The following ZNF385B variants were observed in gnomAD, a reference collection of about 807,000 sequenced individuals.
ZNF385B encodes the protein zinc finger protein 385B.
A neutral mutation model predicts 39.2 loss-of-function variants in ZNF385B; 23 were observed. The ratio of observed to expected loss-of-function variants is 0.59; its 90% CI spans 0.42 to 0.83. The LOEUF is 0.83. ZNF385B is among the 40% of genes least tolerant of loss of function. The pLI, the probability that ZNF385B is intolerant of heterozygous loss-of-function variation, is 0.00. For synonymous variants in ZNF385B, 205 were observed against 222.6 expected, an observed-to-expected ratio of 0.92 and a Z score of 0.70; for missense variants, 552 against 598.9, an observed-to-expected ratio of 0.92 and a Z score of 0.82.
chr2:179,600,917 A>G lies in ZNF385B; in HGVS notation c.299-55948T>C, dbSNP rs1043729671. On this transcript the variant is annotated intron_variant, in intron 3 of 9. Transcript: ENST00000410066. The stretch of plus-strand genomic sequence containing the variant: ...ATTTCCAACTCTGACTTTCTTACAT[A>G]ATAGCAGCATTTAGACTCTCACTGA... Among the ~76,000 whole-genome samples the G allele has an allele frequency of 5.3e-5, 8 of 152,358 alleles. No individual in the cohort carries two copies. In the East Asian group the frequency reaches 1.2e-3, roughly 22 times the overall value.
At chr2:179,533,530 T>C (rs909249841) in intron 4 of ZNF385B, among the ~76,000 whole-genome samples, 1 of 152,176 alleles carries the variant, frequency 6.6e-6, no homozygotes, top group Non-Finnish European at 1.5e-5. Context: ...GAACTTACAA[T>C]TAGACGCCAT....
At chr2:179,856,624 C>CAAAAAAAAAAAAAA (rs11308289) in intron 1 of ZNF385B, among the ~76,000 whole-genome samples, 3 of 108,342 alleles carry the variant, frequency 2.8e-5, no homozygotes, top group Non-Finnish European at 3.9e-5. Context: ...ACAGCAGAGA[C>CAAAAAAAAAAAAAA]AAAAAAAAAA....
intron 3 of ZNF385B, among the ~76,000 whole-genome samples, chr2:179,634,473 C>G (rs945849923): frequency 6.6e-6 from 1 of 152,166 alleles, no homozygotes; most frequent in African/African-American, 2.4e-5. Context: ...CACTGGTCAT[C>G]AGAGAAATGC....
chr2:179,804,805 C>T (rs1706248813), intron 1 of ZNF385B, among the ~76,000 whole-genome samples: 1 of 152,218 alleles, frequency 6.6e-6, no homozygotes, highest in Non-Finnish European at 1.5e-5. Context: ...CCTATCCAAA[C>T]ACATTATGCT....
chr2:179,605,332 G>C (rs1328876839), intron 3 of ZNF385B, among the ~76,000 whole-genome samples: 1 of 151,902 alleles, frequency 6.6e-6, no homozygotes, highest in Non-Finnish European at 1.5e-5. Flanking sequence ...ATATGCTCTG[G>C]TTTATAAACT....
chr2:179,832,271 C>T (rs551531639), intron 1 of ZNF385B, among the ~76,000 whole-genome samples: 2 of 152,278 alleles, frequency 1.3e-5, no homozygotes, highest in Admixed American at 1.3e-4. Context: ...CTTGAAGTTC[C>T]CTACGTGCTA....
chr2:179,711,038 T>C (rs902816107), intron 3 of ZNF385B, among the ~76,000 whole-genome samples: 1 of 152,216 alleles, frequency 6.6e-6, no homozygotes, highest in African/African-American at 2.4e-5. Flanking sequence ...AGGCTGTACA[T>C]GATGGGACAG....
intron 3 of ZNF385B, among the ~76,000 whole-genome samples, chr2:179,711,024 G>T (rs899565816): frequency 1.3e-5 from 2 of 152,196 alleles, no homozygotes; most frequent in African/African-American, 4.8e-5. Context: ...CCCCACTGTG[G>T]GGTAGGCTGT....
chr2:179,614,730 T>C (rs184541443), intron 3 of ZNF385B, among the ~76,000 whole-genome samples: 1 of 152,318 alleles, frequency 6.6e-6, no homozygotes, highest in East Asian at 1.9e-4. Flanking sequence ...AAGCTTGGTC[T>C]TCCGTCAGGG....
At chr2:179,858,618 A>G (rs1270391463) in intron 1 of ZNF385B, among the ~76,000 whole-genome samples, 1 of 152,128 alleles carries the variant, frequency 6.6e-6, no homozygotes, top group African/African-American at 2.4e-5. Flanking sequence ...ATTGAGACAC[A>G]GTGGGGACAG....
intron 5 of ZNF385B, among the ~76,000 whole-genome samples, chr2:179,486,736 G>C (rs1455541735): frequency 6.6e-6 from 1 of 152,010 alleles, no homozygotes; most frequent in African/African-American, 2.4e-5. Context: ...GCAACATTAC[G>C]AGACCTTGTT....
intron 5 of ZNF385B, among the ~76,000 whole-genome samples, chr2:179,508,011 T>G (rs896311525): frequency 6.6e-6 from 1 of 152,174 alleles, no homozygotes; most frequent in Non-Finnish European, 1.5e-5. Flanking sequence ...TGAAAGTAGC[T>G]AAAGGGTACC....
intron 1 of ZNF385B, among the ~76,000 whole-genome samples, chr2:179,817,974 T>A (rs1707172561): frequency 6.6e-6 from 1 of 152,166 alleles, no homozygotes; most frequent in East Asian, 1.9e-4. Context: ...TGTGTTTATG[T>A]ATGTGTCAGC....
intron 1 of ZNF385B, among the ~76,000 whole-genome samples, chr2:179,781,959 G>C (rs1704691965): frequency 6.6e-6 from 1 of 152,086 alleles, no homozygotes; most frequent in Admixed American, 6.6e-5. Context: ...GAGGAGGAGA[G>C]ACTCCTCCCC....
intron 4 of ZNF385B, among the ~76,000 whole-genome samples, chr2:179,528,881 C>T (rs1351629343): frequency 1.3e-5 from 2 of 152,094 alleles, no homozygotes; most frequent in Admixed American, 6.6e-5. Flanking sequence ...TTCCATGCTG[C>T]GGGGATCAAG....
chr2:179,517,496 ATG>A (rs2058173253), intron 5 of ZNF385B, among the ~76,000 whole-genome samples: 2 of 152,092 alleles, frequency 1.3e-5, no homozygotes, highest in Non-Finnish European at 2.9e-5. Flanking sequence ...TTCATAAATC[ATG>A]ATAAACATCT....
intron 1 of ZNF385B, among the ~76,000 whole-genome samples, chr2:179,827,404 T>C (rs901931233): frequency 2.6e-5 from 4 of 152,158 alleles, no homozygotes; most frequent in Admixed American, 2.6e-4. Flanking sequence ...AGGATCTCTC[T>C]TCTATTAATT....
rs757593593 is a variant in ZNF385B at position 179,445,499 on chromosome 2, A to G, written c.1140+51T>C. On this transcript the variant is annotated intron_variant, in intron 8 of 9. Coordinates refer to ENST00000410066, the MANE Select transcript of ZNF385B (RefSeq NM_152520.6). Reference sequence around the variant, plus strand: ...CCATTCTATAGATGAGAAGATACACAGTCAAGTGGTGACCTAAAACAATAA... The same window carrying G: ...CCATTCTATAGATGAGAAGATACACGGTCAAGTGGTGACCTAAAACAATAA... 3 of 1,535,660 alleles carry G rather than the reference A, an allele frequency of 2.0e-6. No individual in the cohort carries two copies. In the East Asian group the frequency reaches 6.8e-5, roughly 35 times the overall value.
At chr2:179,669,942 T>C (rs925734544) in intron 3 of ZNF385B, among the ~76,000 whole-genome samples, 2 of 152,164 alleles carry the variant, frequency 1.3e-5, no homozygotes, top group African/African-American at 4.8e-5. Context: ...GTGGTACATG[T>C]TGAGCAACCA....
Sources: allele counts gnomAD v4.1 joint callset (sites outside exome capture counted in the v4.1 genomes callset), GRCh38; gene constraint gnomAD v4.1.1; transcripts MANE v1.5; gene names NCBI Gene and HGNC (gene_info 2026-07-23, HGNC 2026-07-21).